The following KLF12 variants were observed in gnomAD, a reference collection of about 807,000 sequenced individuals.
KLF12 encodes the protein KLF transcription factor 12.
A neutral mutation model predicts 37.8 loss-of-function variants in KLF12; 9 were observed. That is an observed-to-expected ratio of 0.24 (90% CI 0.14 to 0.42). The LOEUF is 0.42. Among genes scored for constraint, KLF12 ranks in the 10% least tolerant of loss-of-function variants. The pLI, the probability that KLF12 is intolerant of heterozygous loss-of-function variation, is 1.00. For synonymous variants in KLF12, 208 were observed against 202.1 expected (o/e 1.03, Z -0.25); for missense variants, 411 against 516.0 (o/e 0.80, Z 1.97).
At chr13:73,777,317 A>C (rs1880669085) in intron 5 of KLF12, among the ~76,000 whole-genome samples, 1 of 152,238 alleles carries the variant, frequency 6.6e-6, no homozygotes, top group Non-Finnish European at 1.5e-5. Context: ...CAGAAGGTAC[A>C]ATGTCCTTGA....
chr13:73,930,828 T>G (rs955398050), intron 3 of KLF12, among the ~76,000 whole-genome samples: 1 of 152,074 alleles, frequency 6.6e-6, no homozygotes, highest in African/African-American at 2.4e-5. Context: ...ATGTTAAATC[T>G]TTTTTCAACA....
chr13:74,146,548 A>C, the KLF12 span, among the ~76,000 whole-genome samples: 1 of 152,350 alleles, frequency 6.6e-6, no homozygotes, highest in East Asian at 1.9e-4. Flanking sequence ...AATGGTTTAG[A>C]ACCAAATCTA....
At chr13:74,158,179 G>A in the KLF12 span, among the ~76,000 whole-genome samples, 2 of 152,178 alleles carry the variant, frequency 1.3e-5, no homozygotes, top group African/African-American at 2.4e-5. Flanking sequence ...TGGGTGGTCC[G>A]CATAGGTCCG....
At chr13:73,766,790 T>G (rs1422487729) in intron 5 of KLF12, among the ~76,000 whole-genome samples, 3 of 152,250 alleles carry the variant, frequency 2.0e-5, no homozygotes, top group Non-Finnish European at 2.9e-5. Context: ...AGAAGTATTC[T>G]CTTATTGATG....
intron 3 of KLF12, among the ~76,000 whole-genome samples, chr13:73,894,574 TTTAAC>T (rs1189185834): frequency 6.6e-6 from 1 of 152,252 alleles, no homozygotes; most frequent in Non-Finnish European, 1.5e-5. Flanking sequence ...AAACTCATCA[TTTAAC>T]TTAATCACTT....
chr13:74,159,988 G>A, the KLF12 span, among the ~76,000 whole-genome samples: 11 of 133,094 alleles, frequency 8.3e-5, no homozygotes, highest in African/African-American at 1.5e-4. Flanking sequence ...TGTGACAGAG[G>A]GAGACCTTGT....
At chr13:74,136,602 T>C (rs1197597833), upstream of KLF12, among the ~76,000 whole-genome samples, 2 of 152,142 alleles carry the variant, frequency 1.3e-5, no homozygotes, top group Non-Finnish European at 2.9e-5. Flanking sequence ...ATATATTCTA[T>C]AGCGAGTGCT....
In KLF12 at chr13:74,071,616, T is replaced by C. The variant is rs535816418; in HGVS notation, c.-32+62123A>G. Among the ~76,000 whole-genome samples, 601 of 151,728 alleles carry C rather than the reference T, an allele frequency of 4.0e-3. 4 individuals carry two copies. The highest frequency in any genetic ancestry group is 5.8e-3 in the South Asian group (28 of 4,792). On this transcript the variant is annotated intron_variant, in intron 1 of 7. Transcript: ENST00000377669. ...GCTGAGGCAGGAGAATGGCGTGAAC[T>C]CGGGAGGCGGAGCTTGCAGTGAGCC...
At chr13:73,960,629 TG>T (rs1231333821) in intron 2 of KLF12, among the ~76,000 whole-genome samples, 3 of 152,156 alleles carry the variant, frequency 2.0e-5, no homozygotes, top group Non-Finnish European at 4.4e-5. Context: ...TATATACTCA[TG>T]TTACAGTTAC....
At chr13:74,143,415 CTT>C in the KLF12 span, among the ~76,000 whole-genome samples, 2 of 146,716 alleles carry the variant, frequency 1.4e-5, no homozygotes, top group Non-Finnish European at 3.0e-5. Context: ...CAAATGAAAA[CTT>C]TTCTTAAAAT....
upstream of KLF12, among the ~76,000 whole-genome samples, chr13:74,137,926 A>G (rs974911522): frequency 6.6e-6 from 1 of 152,102 alleles, no homozygotes; most frequent in African/African-American, 2.4e-5. Flanking sequence ...ACGCCTGGCT[A>G]ATTTTTGTAT....
intron 3 of KLF12, among the ~76,000 whole-genome samples, chr13:73,868,338 G>GGC (rs1886292651): frequency 1.6e-5 from 2 of 128,334 alleles, no homozygotes; most frequent in African/African-American, 3.1e-5. Flanking sequence ...GGGGGGGGGG[G>GGC]GTGATTTCAG....
intron 5 of KLF12, among the ~76,000 whole-genome samples, chr13:73,781,977 T>C (rs545991056): frequency 5.8e-4 from 88 of 152,300 alleles, no homozygotes; most frequent in African/African-American, 2.0e-3. Context: ...TGTTTAAAAA[T>C]AGTAATTAAT....
chr13:73,720,274 G>C (rs895246592), intron 6 of KLF12, among the ~76,000 whole-genome samples: 1 of 152,152 alleles, frequency 6.6e-6, no homozygotes, highest in African/African-American at 2.4e-5. Context: ...TGCTTTCTGA[G>C]CAACATGCCC....
In KLF12 at chr13:73,687,487, T is replaced by C. The variant is rs1194073898; in HGVS notation, c.*8003A>G. The C allele has an allele frequency of 1.3e-5, 2 of 152,144 alleles. No individual in the cohort carries two copies. Among genetic ancestry groups the C allele is most frequent in the Non-Finnish European group, 2.9e-5 (2 of 68,022 alleles). 9.4% of individuals were successfully genotyped at this position (152,144 alleles called of 1,614,324 possible). ...GTAATAAAGTTTGAGGAACAAAATATACACTATATTCTGGATGTAATTACA... is the reference window on the plus strand; with the variant it reads ...GTAATAAAGTTTGAGGAACAAAATACACACTATATTCTGGATGTAATTACA... On this transcript the variant is annotated 3_prime_UTR_variant, in exon 8 of 8. Coordinates refer to ENST00000377669, the MANE Select transcript of KLF12 (RefSeq NM_007249.5).
the KLF12 span, among the ~76,000 whole-genome samples, chr13:74,279,574 T>G: frequency 3.3e-5 from 5 of 151,872 alleles, no homozygotes; most frequent in African/African-American, 1.2e-4. Flanking sequence ...AGGGCTAAAC[T>G]TAATTCAGCA....
the KLF12 span, among the ~76,000 whole-genome samples, chr13:74,161,947 T>C: frequency 6.6e-6 from 1 of 152,222 alleles, no homozygotes; most frequent in Non-Finnish European, 1.5e-5. Flanking sequence ...CTTAAATTGC[T>C]CCATTTTAAA....
chr13:73,739,576 T>C (rs1877800676), intron 6 of KLF12, among the ~76,000 whole-genome samples: 1 of 152,160 alleles, frequency 6.6e-6, no homozygotes, highest in Non-Finnish European at 1.5e-5. Context: ...TGGGAGTCAT[T>C]GCTCTGGGGC....
chr13:74,205,953 G>C, the KLF12 span, among the ~76,000 whole-genome samples: 9 of 152,242 alleles, frequency 5.9e-5, no homozygotes, highest in East Asian at 5.8e-4. Context: ...AGTTGCCTTG[G>C]AGGTAATGTC....
Sources: allele counts gnomAD v4.1 joint callset (sites outside exome capture counted in the v4.1 genomes callset), GRCh38; gene constraint gnomAD v4.1.1; transcripts MANE v1.5; gene names NCBI Gene and HGNC (gene_info 2026-07-23, HGNC 2026-07-21).